RTTN: variants seen among roughly 807,000 people sequenced by gnomAD.
RTTN encodes the protein rotatin.
A neutral mutation model predicts 269.2 loss-of-function variants in RTTN; 182 were observed. That is an observed-to-expected ratio of 0.68 (90% CI 0.60 to 0.76). RTTN has a LOEUF of 0.76. Among genes scored for constraint, RTTN ranks in the 30% least tolerant of loss-of-function variants. The pLI is 0.00. For missense variants in RTTN, 2,545 were observed against 2,608.6 expected (o/e 0.98, Z 0.53); for synonymous variants, 1,006 against 963.5 (o/e 1.04, Z -0.82).
At chr18:70,042,598 G>T (rs981018525) in intron 40 of RTTN, among the ~76,000 whole-genome samples, 1 of 151,838 alleles carries the variant, frequency 6.6e-6, no homozygotes, top group East Asian at 1.9e-4. Context: ...GGATGGTGTC[G>T]ATCTCCTGAC....
rs554743946 is a variant in RTTN, at chr18:70,171,227, C to G, written c.1477-2160G>C. Among the ~76,000 whole-genome samples the G allele has an allele frequency of 5.9e-5, 9 of 152,250 alleles. No individual in the cohort carries two copies. In the South Asian group the frequency reaches 1.2e-3, roughly 21 times the overall value. On this transcript the variant is annotated intron_variant, in intron 11 of 48. Transcript: ENST00000640769. The stretch of plus-strand genomic sequence containing the variant: ...GAGGGCTACTGTCAGTCCTGGGGTT[C>G]CACTCCTGAAGAGTTAGGAAGATAA...
chr18:70,163,069 TAA>T (rs10559303), intron 14 of RTTN, among the ~76,000 whole-genome samples: 2,385 of 56,812 alleles, frequency 0.042, 24 homozygotes, highest in Admixed American at 0.089. Flanking sequence ...TTACTATTAT[TAA>T]AAAAAAAAAA....
intron 10 of RTTN, among the ~76,000 whole-genome samples, chr18:70,177,593 A>G (rs2061333205): frequency 1.3e-5 from 2 of 152,138 alleles, no homozygotes; most frequent in Admixed American, 6.5e-5. Context: ...ACTAGCGGGT[A>G]AAAGGACACC....
At chr18:70,047,838 C>A in intron 40 of RTTN, 133 bp downstream of exon 40, 2 of 717,272 alleles carry the variant, frequency 2.8e-6, no homozygotes, top group Non-Finnish European at 4.5e-6. Flanking sequence ...ACTTTTGTAT[C>A]ATTTAAACAG....
intron 10 of RTTN, among the ~76,000 whole-genome samples, chr18:70,186,118 G>A (rs946100326): frequency 1.4e-5 from 2 of 148,016 alleles, no homozygotes; most frequent in Admixed American, 6.7e-5. Flanking sequence ...AGATGTTGAA[G>A]ATGTGGAACA....
chr18:70,111,630 G>A (rs2059469517), intron 27 of RTTN, among the ~76,000 whole-genome samples: 1 of 152,150 alleles, frequency 6.6e-6, no homozygotes, highest in Non-Finnish European at 1.5e-5. Flanking sequence ...AACAAACAAA[G>A]GCTCCAAGAA....
chr18:70,101,765 T>G (rs188455841), intron 28 of RTTN, among the ~76,000 whole-genome samples: 3 of 152,350 alleles, frequency 2.0e-5, no homozygotes, highest in Admixed American at 1.3e-4. Context: ...CCAGAAATTC[T>G]GGTATATTGT....
chr18:70,154,485 A>G (rs899379255), intron 14 of RTTN, among the ~76,000 whole-genome samples: 1 of 152,168 alleles, frequency 6.6e-6, no homozygotes, highest in African/African-American at 2.4e-5. Context: ...TCCCAAATAC[A>G]GTGATCTTAG....
chr18:70,028,384 G>A (rs1182919325), intron 43 of RTTN, among the ~76,000 whole-genome samples: 1 of 152,040 alleles, frequency 6.6e-6, no homozygotes, highest in Non-Finnish European at 1.5e-5. Context: ...GATACAGATA[G>A]CTTCACTTAT....
At chr18:70,074,405 T>C (rs980068731) in intron 33 of RTTN, among the ~76,000 whole-genome samples, 1 of 152,116 alleles carries the variant, frequency 6.6e-6, no homozygotes, top group Non-Finnish European at 1.5e-5. Context: ...TGTTCAAAAC[T>C]TCATCAAATC....
rs778391347 is a variant in RTTN, at chr18:70,048,056, C to A, written c.5456G>T (p.Cys1819Phe). The A allele has an allele frequency of 3.0e-5, 48 of 1,614,154 alleles. No homozygotes were observed. The highest frequency in any genetic ancestry group is 2.5e-4 in the East Asian group (11 of 44,880). ...AAGTGAAGCCACTGTTGGACTACAG[C>A]ATAAATGTGTTTTGCTCTTAGCCTG... ...HLQAKSKTHLCCSPTVASLLD... is the reference protein window; with the variant it reads ...HLQAKSKTHLFCSPTVASLLD... The change falls in exon 40 of 49, where the codon TGC (cysteine) becomes TTC (phenylalanine). Residue 1819 changes from cysteine to phenylalanine, a missense_variant. Physicochemically the swap from Cys to Phe is radical, Grantham distance 205. Coordinates refer to ENST00000640769, the MANE Select transcript of RTTN (RefSeq NM_173630.4).
At chr18:70,178,338 G>A (rs376030022) in intron 10 of RTTN, among the ~76,000 whole-genome samples, 2 of 152,308 alleles carry the variant, frequency 1.3e-5, no homozygotes, top group East Asian at 1.9e-4. Context: ...AAATACAAAA[G>A]TAAAATAAGC....
intron 15 of RTTN, 186 bp from the exon 16 acceptor site, chr18:70,150,273 T>A (rs2060503169): frequency 5.2e-6 from 3 of 575,296 alleles, no homozygotes; most frequent in Non-Finnish European, 9.3e-6. Context: ...TATTTCTAAT[T>A]TTTTACCTTT....
At chr18:70,063,248 G>A (rs527548958) in intron 35 of RTTN, among the ~76,000 whole-genome samples, 71 of 152,112 alleles carry the variant, frequency 4.7e-4, no homozygotes, top group Admixed American at 7.8e-4. Flanking sequence ...CCACAGCCTC[G>A]CCAAAAGAAT....
chr18:70,004,389 C>T (rs904780055), intron 48 of RTTN, among the ~76,000 whole-genome samples, 153 bp from the exon 49 acceptor site: 51 of 151,974 alleles, frequency 3.4e-4, no homozygotes, highest in African/African-American at 1.2e-3. Flanking sequence ...GAATATTTTG[C>T]ATTTTTTAAA....
chr18:70,078,055 G>A (rs2058472838), intron 32 of RTTN, among the ~76,000 whole-genome samples: 1 of 151,340 alleles, frequency 6.6e-6, no homozygotes, highest in South Asian at 2.1e-4. Flanking sequence ...ATATATAGAA[G>A]ATCCAAATCT....
chr18:70,105,606 C>T (rs1444122919), intron 28 of RTTN, among the ~76,000 whole-genome samples: 6 of 152,148 alleles, frequency 3.9e-5, no homozygotes, highest in Non-Finnish European at 7.4e-5. Flanking sequence ...AGAGCTGTTC[C>T]TATTTGGCCA....
At chr18:70,100,660 T>C (rs1055342758) in intron 28 of RTTN, among the ~76,000 whole-genome samples, 5 of 152,182 alleles carry the variant, frequency 3.3e-5, no homozygotes, top group Non-Finnish European at 7.4e-5. Context: ...GTGCCAGTTT[T>C]CAAAGGGAAT....
At chr18:70,051,046 G>A (rs370718704) in intron 39 of RTTN, among the ~76,000 whole-genome samples, 4 of 152,098 alleles carry the variant, frequency 2.6e-5, no homozygotes, top group African/African-American at 9.7e-5. Context: ...TAAAAAACCT[G>A]CACGTTCTGC....
Sources: allele counts gnomAD v4.1 joint callset (sites outside exome capture counted in the v4.1 genomes callset), GRCh38; gene constraint gnomAD v4.1.1; transcripts MANE v1.5; gene names NCBI Gene and HGNC (gene_info 2026-07-23, HGNC 2026-07-21).